The following WWTR1 variants were observed in gnomAD, a reference collection of about 807,000 sequenced individuals.
WWTR1 encodes WW domain containing transcription regulator 1.
WWTR1 carries 13 observed loss-of-function variants against 40.1 expected under a neutral mutation model. The ratio of observed to expected loss-of-function variants is 0.32; its 90% CI spans 0.21 to 0.52. The LOEUF (loss-of-function observed/expected upper bound fraction) is 0.52, where lower values mean the gene tolerates loss of function less well. Among genes scored for constraint, WWTR1 ranks in the 20% least tolerant of loss-of-function variants. WWTR1 has a pLI of 0.97. For synonymous variants in WWTR1, 230 were observed against 210.1 expected (o/e 1.09, Z -0.82); for missense variants, 436 against 523.1 (o/e 0.83, Z 1.63).
intron 2 of WWTR1, among the ~76,000 whole-genome samples, chr3:149,668,269 T>C (rs944298018): frequency 1.4e-4 from 22 of 152,222 alleles, no homozygotes; most frequent in Middle Eastern, 3.4e-3. Flanking sequence ...AAATACATTA[T>C]CATGTGAAAA....
chr3:149,589,063 G>A (rs750949678), intron 2 of WWTR1, among the ~76,000 whole-genome samples: 7 of 152,156 alleles, frequency 4.6e-5, no homozygotes, highest in African/African-American at 7.2e-5. Context: ...GAATCTAAAC[G>A]AGGTGTCAAC....
chr3:149,707,299 G>A (rs757538427), upstream of WWTR1, among the ~76,000 whole-genome samples: 11 of 152,098 alleles, frequency 7.2e-5, no homozygotes, highest in Non-Finnish European at 8.8e-5. Context: ...CTTCACCACC[G>A]CTCCCCATGC....
At chr3:149,654,036 A>G (rs1488331270) in intron 2 of WWTR1, among the ~76,000 whole-genome samples, 2 of 152,042 alleles carry the variant, frequency 1.3e-5, no homozygotes, top group Admixed American at 1.3e-4. Context: ...TTGGGAGGCC[A>G]AGGCAGGAGA....
rs41385247 is a variant in WWTR1 at position 149,553,780 on chromosome 3, T to G, written c.569-11243A>C. ...GAGTGTCTGGGTGCAGCTGCGGGTC[T>G]TTTCCTCTGTTTATGCGCCGTCCAT... is the stretch of plus-strand genomic sequence containing the variant. On this transcript the variant is annotated intron_variant, in intron 3 of 6. Coordinates refer to ENST00000360632, the MANE Select transcript of WWTR1 (RefSeq NM_015472.6). Among the ~76,000 whole-genome samples the G allele has an allele frequency of 8.3e-3, 1,262 of 152,268 alleles. 17 individuals carry two copies. Among genetic ancestry groups the G allele is most frequent in the African/African-American group, 0.029 (1,219 of 41,540 alleles).
chr3:149,722,592 A>C (rs201713741), intron 4 of WWTR1, among the ~76,000 whole-genome samples: 2 of 152,014 alleles, frequency 1.3e-5, no homozygotes, highest in South Asian at 4.1e-4. Context: ...GTTTTTGATC[A>C]TCATTTCTTC....
At chr3:149,719,270 A>T (rs568384236) in intron 4 of WWTR1, among the ~76,000 whole-genome samples, 2 of 151,490 alleles carry the variant, frequency 1.3e-5, no homozygotes, top group South Asian at 4.2e-4. Flanking sequence ...TCCCGAGTTC[A>T]AGTGATTCTT....
chr3:149,528,810 T>G (rs1735446413), intron 4 of WWTR1, among the ~76,000 whole-genome samples: 1 of 152,160 alleles, frequency 6.6e-6, no homozygotes, highest in South Asian at 2.1e-4. Context: ...ATTTGACTAC[T>G]TTGTTGACTA....
At chr3:149,653,566 G>A (rs1003946034) in intron 2 of WWTR1, among the ~76,000 whole-genome samples, 3 of 152,338 alleles carry the variant, frequency 2.0e-5, no homozygotes, top group Middle Eastern at 3.4e-3. Context: ...CCACAGGAAA[G>A]CTGTGAATGC....
At chr3:149,545,504 T>C (rs145259589) in intron 3 of WWTR1, among the ~76,000 whole-genome samples, 16 of 152,204 alleles carry the variant, frequency 1.1e-4, no homozygotes, top group African/African-American at 3.6e-4. Context: ...AAGGCACAGG[T>C]TGTTAACCCT....
At chr3:149,622,763 G>A (rs1740373690) in intron 2 of WWTR1, among the ~76,000 whole-genome samples, 1 of 152,138 alleles carries the variant, frequency 6.6e-6, no homozygotes, top group South Asian at 2.1e-4. Context: ...AGTGGTGCAT[G>A]CCTGTAGTCC....
upstream of WWTR1, chr3:149,658,607 T>G (rs1186775194): frequency 6.6e-6 from 1 of 152,272 alleles, no homozygotes; most frequent in African/African-American, 2.4e-5. Context: ...ATATTTGGTC[T>G]GGCGAGGAGG....
At chr3:149,601,669 T>C (rs977507410) in intron 2 of WWTR1, among the ~76,000 whole-genome samples, 2 of 152,148 alleles carry the variant, frequency 1.3e-5, no homozygotes, top group Non-Finnish European at 2.9e-5. Context: ...TGTAAAGTCC[T>C]TGTAAACAAA....
intron 1 of WWTR1, among the ~76,000 whole-genome samples, chr3:149,699,840 C>G (rs1715116285): frequency 6.6e-6 from 1 of 152,168 alleles, no homozygotes; most frequent in South Asian, 2.1e-4. Context: ...CTTCTGAGCC[C>G]TCCAAACTCT....
intron 3 of WWTR1, among the ~76,000 whole-genome samples, chr3:149,546,562 G>A (rs1019261137): frequency 2.0e-5 from 3 of 152,196 alleles, no homozygotes; most frequent in African/African-American, 4.8e-5. Flanking sequence ...CGGCAACAGC[G>A]AGCACCTCGG....
At chr3:149,594,688 T>G (rs922786873) in intron 2 of WWTR1, among the ~76,000 whole-genome samples, 1 of 151,702 alleles carries the variant, frequency 6.6e-6, no homozygotes, top group African/African-American at 2.4e-5. Context: ...GTGAATCTGA[T>G]TGGATCCTGC....
chr3:149,550,715 GAAAAACAAA>G (rs1325371882), intron 3 of WWTR1, among the ~76,000 whole-genome samples: 2,336 of 113,280 alleles, frequency 0.021, 241 homozygotes, highest in African/African-American at 0.031. Flanking sequence ...CAGAGTAATA[GAAAAACAAA>G]GCAAAACAAA....
intron 2 of WWTR1, among the ~76,000 whole-genome samples, chr3:149,588,535 A>T (rs1349736876): frequency 2.0e-5 from 3 of 152,224 alleles, no homozygotes; most frequent in African/African-American, 2.4e-5. Context: ...ACAGTGGAAG[A>T]CTGAACAGAC....
chr3:149,574,542 C>A (rs987809521), intron 2 of WWTR1, among the ~76,000 whole-genome samples: 19 of 152,262 alleles, frequency 1.2e-4, no homozygotes, highest in African/African-American at 4.6e-4. Flanking sequence ...ACAATGGCCT[C>A]CTTTGAATCT....
At chr3:149,627,632 T>C (rs1740629171) in intron 2 of WWTR1, among the ~76,000 whole-genome samples, 1 of 152,130 alleles carries the variant, frequency 6.6e-6, no homozygotes, top group Non-Finnish European at 1.5e-5. Flanking sequence ...CAAACAGAGA[T>C]ATCCATGTTG....
Sources: allele counts gnomAD v4.1 joint callset (sites outside exome capture counted in the v4.1 genomes callset), GRCh38; gene constraint gnomAD v4.1.1; transcripts MANE v1.5; gene names NCBI Gene and HGNC (gene_info 2026-07-23, HGNC 2026-07-21).